The following USP45 variants were observed in gnomAD, a reference collection of about 807,000 sequenced individuals.
The protein encoded by USP45 is ubiquitin specific peptidase 45.
USP45 carries 89 observed loss-of-function variants against 95.8 expected under a neutral mutation model. That is an observed-to-expected ratio of 0.93 (90% CI 0.78 to 1.11). The LOEUF (loss-of-function observed/expected upper bound fraction) is 1.11. USP45 is among the 50% of genes least tolerant of loss of function. The pLI, the probability that USP45 is intolerant of heterozygous loss-of-function variation, is 0.00. For synonymous variants in USP45, 281 were observed against 316.2 expected, an observed-to-expected ratio of 0.89 and a Z score of 1.18; for missense variants, 898 against 942.5, an observed-to-expected ratio of 0.95 and a Z score of 0.62.
intron 5 of USP45, among the ~76,000 whole-genome samples, chr6:99,498,129 T>A (rs1052430876): frequency 6.6e-6 from 1 of 152,198 alleles, no homozygotes; most frequent in African/African-American, 2.4e-5. Context: ...AGATCAGTAA[T>A]GACAGGAACT....
At chr6:99,497,066 C>T (rs73760078) in intron 5 of USP45, among the ~76,000 whole-genome samples, 1 of 152,060 alleles carries the variant, frequency 6.6e-6, no homozygotes, top group African/African-American at 2.4e-5. Context: ...CTAAAAAATT[C>T]TCTGTGCTTT....
At chr6:99,468,008 C>T (rs899805180) in intron 10 of USP45, 3 of 374,000 alleles carry the variant, frequency 8.0e-6, no homozygotes, top group South Asian at 2.1e-5. Context: ...AAATAACCAA[C>T]TTTGATTAGG....
At chr6:99,516,082 C>T (rs1801083843), upstream of USP45, among the ~76,000 whole-genome samples, 1 of 152,042 alleles carries the variant, frequency 6.6e-6, no homozygotes, top group Admixed American at 6.6e-5. Flanking sequence ...CGGCTCCGCC[C>T]CCACACCCCC....
intron 11 of USP45, 98 bp downstream of exon 11, chr6:99,466,574 T>C: frequency 9.8e-7 from 1 of 1,017,626 alleles, no homozygotes; most frequent in Non-Finnish European, 1.5e-6. Flanking sequence ...CTGTCAAATT[T>C]TAAAAATGAC....
At chr6:99,515,264 G>A (rs979348667) in intron 1 of USP45, 128 bp downstream of exon 1, 1 of 152,214 alleles carries the variant, frequency 6.6e-6, no homozygotes, top group African/African-American at 2.4e-5. Context: ...TCAGGAAGCC[G>A]AGTGGGGTGG....
At chr6:99,462,360 T>G in intron 13 of USP45, 1 of 984,890 alleles carries the variant, frequency 1.0e-6, no homozygotes, top group South Asian at 4.7e-5. Context: ...CTCTCATACA[T>G]TTGGATAGCG....
In USP45 at chr6:99,468,621, G is replaced by C. The variant is rs1443351372; in HGVS notation, c.934-3C>G. The stretch of plus-strand genomic sequence containing the variant: ...TTTAGAATGCTAGCTTGTATTCGCT[G>C]TAAAACAAAGTTAATAGATTCTGGT... On this transcript the variant is annotated splice_polypyrimidine_tract_variant and splice_region_variant and intron_variant, in intron 9 of 17. Transcript: ENST00000500704. 2 of 1,585,966 alleles carry C rather than the reference G, an allele frequency of 1.3e-6. No individual in the cohort carries two copies. The highest frequency in any genetic ancestry group is 2.7e-5 in the African/African-American group (2 of 74,336).
chr6:99,499,174 C>T (rs933457345), intron 5 of USP45, among the ~76,000 whole-genome samples: 1 of 152,122 alleles, frequency 6.6e-6, no homozygotes, highest in African/African-American at 2.4e-5. Context: ...TCATGCATAA[C>T]TTCAAAATGT....
chr6:99,480,393 CGGCCAG>C (rs1792090233), intron 8 of USP45, among the ~76,000 whole-genome samples: 2 of 152,048 alleles, frequency 1.3e-5, no homozygotes, highest in Admixed American at 6.6e-5. Context: ...AGCAAAGGAC[CGGCCAG>C]GCGCAGTGGC....
At chr6:99,438,658 GAATT>G (rs1780967648) in intron 16 of USP45, among the ~76,000 whole-genome samples, 1 of 152,146 alleles carries the variant, frequency 6.6e-6, no homozygotes, top group Non-Finnish European at 1.5e-5. Flanking sequence ...TGATATGACA[GAATT>G]ATTAAATGAT....
chr6:99,450,490 C>A (rs1000997698), intron 13 of USP45, among the ~76,000 whole-genome samples: 9 of 152,060 alleles, frequency 5.9e-5, no homozygotes, highest in Non-Finnish European at 1.2e-4. Context: ...CCAGGAAGAA[C>A]TTGAATCCCT....
At chr6:99,511,133 G>A (rs1799681861) in intron 1 of USP45, among the ~76,000 whole-genome samples, 1 of 151,874 alleles carries the variant, frequency 6.6e-6, no homozygotes, top group Admixed American at 6.6e-5. Flanking sequence ...TAAAAGAACA[G>A]TATAATGAAC....
At chr6:99,506,411 C>T (rs1253627582) in intron 4 of USP45, among the ~76,000 whole-genome samples, 3 of 152,200 alleles carry the variant, frequency 2.0e-5, no homozygotes, top group East Asian at 1.9e-4. Context: ...CAGGTTCAAG[C>T]GATTCTCCTG....
At chr6:99,489,512 T>C (rs902686918) in intron 5 of USP45, among the ~76,000 whole-genome samples, 2 of 152,224 alleles carry the variant, frequency 1.3e-5, no homozygotes, top group African/African-American at 4.8e-5. Flanking sequence ...GCAACATTTC[T>C]GTGAATTTGA....
intron 17 of USP45, among the ~76,000 whole-genome samples, chr6:99,436,277 C>T (rs907594460): frequency 3.3e-5 from 5 of 152,076 alleles, no homozygotes; most frequent in South Asian, 2.1e-4. Context: ...TCTGGCCCAG[C>T]GCAGTGGCTC....
At chr6:99,484,144 A>G (rs1793222645) in intron 7 of USP45, among the ~76,000 whole-genome samples, 6 of 150,218 alleles carry the variant, frequency 4.0e-5, no homozygotes, top group Admixed American at 3.3e-4. Context: ...TCAAAATTAC[A>G]GAGGACTCAA....
intron 5 of USP45, among the ~76,000 whole-genome samples, chr6:99,496,358 C>T (rs1316763604): frequency 1.3e-5 from 2 of 151,502 alleles, no homozygotes; most frequent in African/African-American, 2.4e-5. Flanking sequence ...ATATTATACT[C>T]AGATGGAGTT....
intron 8 of USP45, among the ~76,000 whole-genome samples, chr6:99,482,019 T>C (rs1185214211): frequency 2.0e-5 from 3 of 152,212 alleles, no homozygotes; most frequent in African/African-American, 7.2e-5. Context: ...ATGGCATTCA[T>C]TACTAGTTTT....
At chr6:99,437,186 C>T (rs1426685513) in intron 17 of USP45, 60 bp downstream of exon 17, 9 of 1,518,904 alleles carry the variant, frequency 5.9e-6, no homozygotes, top group Admixed American at 4.3e-5. Context: ...TTAGCTCTCC[C>T]AGAAAAGGAA....
Sources: allele counts gnomAD v4.1 joint callset (sites outside exome capture counted in the v4.1 genomes callset), GRCh38; gene constraint gnomAD v4.1.1; transcripts MANE v1.5; gene names NCBI Gene and HGNC (gene_info 2026-07-23, HGNC 2026-07-21).